Variants in CDH8 observed in about 807,000 individuals in gnomAD.
CDH8 encodes the protein cadherin-8.
CDH8 carries 17 observed loss-of-function variants against 68.1 expected under a neutral mutation model. The ratio of observed to expected loss-of-function variants is 0.25; its 90% confidence interval spans 0.17 to 0.37. The LOEUF is 0.37. Among genes scored for constraint, CDH8 ranks in the 10% least tolerant of loss-of-function variants. The probability of loss-of-function intolerance (pLI) is 1.00; values close to 1 mark genes in which losing one functional copy is unlikely to be tolerated. For missense variants in CDH8, 763 were observed against 999.3 expected, an observed-to-expected ratio of 0.76 and a Z score of 3.19; for synonymous variants, 372 against 365.1, an observed-to-expected ratio of 1.02 and a Z score of -0.21.
chr16:61,676,779 C>T (rs1050333854), intron 10 of CDH8, among the ~76,000 whole-genome samples: 2 of 151,990 alleles, frequency 1.3e-5, no homozygotes, highest in African/African-American at 4.8e-5. Flanking sequence ...TTGACATTGT[C>T]ATCCTAAAAA....
intron 4 of CDH8, among the ~76,000 whole-genome samples, chr16:61,855,101 C>A (rs960864827): frequency 3.3e-5 from 5 of 152,100 alleles, no homozygotes; most frequent in Admixed American, 3.3e-4. Flanking sequence ...TCTGTGAATT[C>A]TTCAAGTATC....
chr16:61,730,773 A>T (rs1959512231), intron 8 of CDH8, among the ~76,000 whole-genome samples: 1 of 151,596 alleles, frequency 6.6e-6, no homozygotes, highest in Non-Finnish European at 1.5e-5. Context: ...AGCTATTTCC[A>T]GGTGGTTAGA....
rs1963346242 is a variant in CDH8 at position 61,652,625 on chromosome 16, T to G, written c.*983A>C. The G allele has an allele frequency of 9.4e-7, 1 of 1,063,978 alleles. No individual in the cohort carries two copies. 65.9% of individuals were successfully genotyped at this position (1,063,978 alleles called of 1,614,324 possible). ...ATCAAAATGTACATGTATTAAACAT[T>G]CATTGTATATATATTTATATAAAAC... On this transcript the variant is annotated 3_prime_UTR_variant, in exon 12 of 12. Transcript: ENST00000577390.
In CDH8 at chr16:61,946,621, G is replaced by T. The variant is rs146970812; in HGVS notation, c.253-45148C>A. ...TTATTTAATAGGTTAGGAAACTGGC[G>T]TTTGATAGGTCACAGCTTTGGTACA... On this transcript the variant is annotated intron_variant, in intron 2 of 11. Coordinates refer to ENST00000577390, the MANE Select transcript of CDH8 (RefSeq NM_001796.5). Among the ~76,000 whole-genome samples, 19 of 152,284 alleles carry T rather than the reference G, an allele frequency of 1.2e-4. No homozygotes were observed. In the East Asian group the frequency reaches 3.5e-3, roughly 28 times the overall value.
At chr16:61,667,642 G>C (rs564542829) in intron 10 of CDH8, 1 of 152,054 alleles carries the variant, frequency 6.6e-6, no homozygotes, top group East Asian at 1.9e-4. Context: ...CCCACACCTT[G>C]ATTTCAGATT....
chr16:61,996,257 T>A (rs1466010462), intron 2 of CDH8, among the ~76,000 whole-genome samples: 1 of 152,210 alleles, frequency 6.6e-6, no homozygotes, highest in Non-Finnish European at 1.5e-5. Context: ...AAGTCCAGGA[T>A]GAAAGAATCA....
At chr16:61,934,924 G>A (rs1780584760) in intron 2 of CDH8, among the ~76,000 whole-genome samples, 1 of 152,156 alleles carries the variant, frequency 6.6e-6, no homozygotes, top group Admixed American at 6.5e-5. Flanking sequence ...TACATCTCAT[G>A]CCAAGTCCAA....
chr16:61,825,253 GCA>G lies in CDH8; in HGVS notation c.668-76_668-75del, dbSNP rs952912676. The G allele has an allele frequency of 1.1e-4, 124 of 1,149,992 alleles. No homozygotes were observed. The African/African-American group carries it at 1.8e-3, about 17-fold the overall frequency. The allele number at this position is 1,149,992 out of a possible 1,614,324, so 71.2% of individuals were successfully genotyped here. A position where few individuals can be genotyped will look rare whatever the true frequency, so the allele number is the denominator to read the frequency against. On this transcript the variant is annotated intron_variant, in intron 4 of 11. Transcript: ENST00000577390. ...AAATGAAAGTGTTAATCTCACACAT[GCA>G]CACATACACACAAGCATACACCAAG...
chr16:61,801,367 A>G (rs1049432756), intron 7 of CDH8, among the ~76,000 whole-genome samples: 1 of 152,196 alleles, frequency 6.6e-6, no homozygotes, highest in Non-Finnish European at 1.5e-5. Context: ...AAGACACTGT[A>G]GGTTGAGAAG....
At chr16:62,019,968 A>T (rs1273994576) in intron 2 of CDH8, among the ~76,000 whole-genome samples, 1 of 152,206 alleles carries the variant, frequency 6.6e-6, no homozygotes, top group Admixed American at 6.5e-5. Flanking sequence ...CTAATAGAGC[A>T]TCTGGCACAT....
At chr16:61,879,524 G>C (rs1268634241) in intron 3 of CDH8, among the ~76,000 whole-genome samples, 1 of 152,132 alleles carries the variant, frequency 6.6e-6, no homozygotes, top group Non-Finnish European at 1.5e-5. Context: ...TTCAACACTG[G>C]GTTCCATGAA....
intron 7 of CDH8, among the ~76,000 whole-genome samples, chr16:61,796,258 TA>T (rs548740207): frequency 5.3e-4 from 81 of 152,058 alleles, no homozygotes; most frequent in African/African-American, 1.3e-3. Context: ...TATTTTAGGT[TA>T]AAAAAAATCT....
rs773479974 is a variant in CDH8 at position 61,900,133 on chromosome 16, CT to C, written c.547+1045del. Among the ~76,000 whole-genome samples, 8 of 151,970 alleles carry C rather than the reference CT, an allele frequency of 5.3e-5. No homozygotes were observed. The South Asian group carries it at 6.2e-4, about 12-fold the overall frequency. ...GAGAACAGGGTTCTTGATCATATTT[CT>C]TTTTTTTATTTTTTCTCGCAGTTCC... is the stretch of plus-strand genomic sequence containing the variant. On this transcript the variant is annotated intron_variant, in intron 3 of 11. Coordinates refer to ENST00000577390, the MANE Select transcript of CDH8 (RefSeq NM_001796.5).
intron 4 of CDH8, 87 bp from the exon 5 acceptor site, chr16:61,825,266 C>T (rs1410250827): frequency 1.1e-6 from 1 of 952,202 alleles, no homozygotes; most frequent in African/African-American, 1.6e-5. Context: ...CACATACACA[C>T]AAGCATACAC....
intron 7 of CDH8, among the ~76,000 whole-genome samples, chr16:61,812,390 C>A (rs1476303878): frequency 1.3e-5 from 2 of 152,128 alleles, no homozygotes; most frequent in Non-Finnish European, 2.9e-5. Flanking sequence ...AGCACTGTGG[C>A]CACAATGATC....
intron 10 of CDH8, among the ~76,000 whole-genome samples, chr16:61,668,927 C>G (rs115850268): frequency 1.1e-3 from 168 of 151,934 alleles, no homozygotes; most frequent in African/African-American, 3.2e-3. Context: ...AGTAGTTGAG[C>G]CAAAGAGTAA....
intron 10 of CDH8, among the ~76,000 whole-genome samples, chr16:61,704,720 A>C (rs1450990157): frequency 6.6e-6 from 1 of 152,200 alleles, no homozygotes; most frequent in African/African-American, 2.4e-5. Context: ...TAATTGGTGG[A>C]CTTGGGACTT....
chr16:61,937,525 T>C (rs1022750201), intron 2 of CDH8, among the ~76,000 whole-genome samples: 1 of 152,202 alleles, frequency 6.6e-6, no homozygotes, highest in African/African-American at 2.4e-5. Flanking sequence ...TCCTCACTTT[T>C]CTCAGTCTCT....
At chr16:61,945,504 G>T (rs944998128) in intron 2 of CDH8, among the ~76,000 whole-genome samples, 3 of 150,868 alleles carry the variant, frequency 2.0e-5, no homozygotes, top group Non-Finnish European at 4.4e-5. Flanking sequence ...TACCCTCAAA[G>T]GTTACCTGAA....
Sources: gnomAD v4.1 joint callset for allele counts (sites outside exome capture counted in the v4.1 genomes callset) on GRCh38, gnomAD v4.1.1 for gene constraint, MANE v1.5 for transcripts, NCBI Gene and HGNC (gene_info 2026-07-23, HGNC 2026-07-21) for gene names.